ADCY8: variants seen among roughly 807,000 people sequenced by gnomAD.
ADCY8 encodes adenylate cyclase 8.
A neutral mutation model predicts 119.7 loss-of-function variants in ADCY8; 51 were observed. That is an observed-to-expected ratio of 0.43 (90% CI 0.34 to 0.54). ADCY8 has a LOEUF of 0.54. Ranked by LOEUF, ADCY8 falls within the 20% of genes least tolerant of loss-of-function variation. The pLI is 0.03. For synonymous variants in ADCY8, 665 were observed against 651.0 expected, an observed-to-expected ratio of 1.02 and a Z score of -0.33; for missense variants, 1,383 against 1,598.8, an observed-to-expected ratio of 0.87 and a Z score of 2.30.
At chr8:130,983,454 A>G (rs1240206465) in intron 2 of ADCY8, among the ~76,000 whole-genome samples, 2 of 152,206 alleles carry the variant, frequency 1.3e-5, no homozygotes, top group Non-Finnish European at 2.9e-5. Context: ...CTCCAGGGGC[A>G]GAGAGAATGG....
intron 3 of ADCY8, among the ~76,000 whole-genome samples, chr8:130,948,038 G>A (rs1018974307): frequency 6.6e-6 from 1 of 152,150 alleles, no homozygotes. Context: ...AAAAAAGTGG[G>A]TGTGAGTACT....
At chr8:130,925,207 A>G (rs62518124) in intron 5 of ADCY8, among the ~76,000 whole-genome samples, 19,190 of 152,116 alleles carry the variant, frequency 0.13, 1,409 homozygotes, top group Non-Finnish European at 0.17. Flanking sequence ...CTCTGTCTCA[A>G]AAACAAAACA....
At chr8:130,933,972 G>A (rs969932574) in intron 5 of ADCY8, among the ~76,000 whole-genome samples, 14 of 152,228 alleles carry the variant, frequency 9.2e-5, no homozygotes, top group African/African-American at 3.4e-4. Flanking sequence ...TTTTCATTTT[G>A]TAGGCAATAA....
chr8:130,871,252 T>G (rs1563704276), intron 8 of ADCY8, among the ~76,000 whole-genome samples: 2 of 152,230 alleles, frequency 1.3e-5, no homozygotes, highest in Admixed American at 1.3e-4. Flanking sequence ...GCTTATTGCC[T>G]GCCAAAGTTA....
At chr8:130,860,565 G>T (rs1233639543) in intron 9 of ADCY8, among the ~76,000 whole-genome samples, 2 of 152,074 alleles carry the variant, frequency 1.3e-5, no homozygotes, top group Non-Finnish European at 2.9e-5. Context: ...GTTAATTTTT[G>T]TGAAGGTTTA....
At chr8:130,932,707 T>C (rs1820667198) in intron 5 of ADCY8, among the ~76,000 whole-genome samples, 1 of 152,206 alleles carries the variant, frequency 6.6e-6, no homozygotes, top group Admixed American at 6.5e-5. Context: ...GATGTTTCTG[T>C]TAGAGAATAA....
chr8:130,916,702 G>T (rs536610226), intron 5 of ADCY8, among the ~76,000 whole-genome samples: 10 of 152,364 alleles, frequency 6.6e-5, no homozygotes, highest in Non-Finnish European at 1.3e-4. Flanking sequence ...ACAAACAAAA[G>T]CATGAGCGAT....
intron 5 of ADCY8, among the ~76,000 whole-genome samples, chr8:130,934,585 A>C (rs1820730483): frequency 6.6e-6 from 1 of 152,130 alleles, no homozygotes; most frequent in Non-Finnish European, 1.5e-5. Context: ...CCCCCTTTAC[A>C]CCAGTTAAAG....
At chr8:131,027,530 A>G (rs1208244508) in intron 1 of ADCY8, among the ~76,000 whole-genome samples, 2 of 152,186 alleles carry the variant, frequency 1.3e-5, no homozygotes, top group Non-Finnish European at 2.9e-5. Flanking sequence ...GGGCTGCACT[A>G]GAACAGAAAG....
intron 3 of ADCY8, among the ~76,000 whole-genome samples, chr8:130,947,190 C>A (rs1386114263): frequency 5.3e-5 from 8 of 152,284 alleles, no homozygotes; most frequent in African/African-American, 1.9e-4. Context: ...CAAATAGAAT[C>A]CCCAAGGAAG....
chr8:130,878,625 T>G (rs772137088), intron 8 of ADCY8, among the ~76,000 whole-genome samples: 4 of 152,180 alleles, frequency 2.6e-5, no homozygotes, highest in Non-Finnish European at 4.4e-5. Context: ...AATGCAGGTC[T>G]TCTTGCAAAA....
Position 130,780,887 on chromosome 8 carries a change from G to A in ADCY8, c.3269-10C>T. 1 of 1,611,408 alleles carries A rather than the reference G, an allele frequency of 6.2e-7. No individual in the cohort carries two copies. Among genetic ancestry groups the A allele is most frequent in the Non-Finnish European group, 8.5e-7 (1 of 1,177,908 alleles). On this transcript the variant is annotated splice_polypyrimidine_tract_variant and intron_variant, in intron 17 of 17. Coordinates refer to ENST00000286355, the MANE Select transcript of ADCY8 (RefSeq NM_001115.3). ...GAGCCGTGGCTGATGCCTGGGGGGTGAAGCAAAGGAGCAAGAAGTCAGAGG... is the reference window on the plus strand; with the variant it reads ...GAGCCGTGGCTGATGCCTGGGGGGTAAAGCAAAGGAGCAAGAAGTCAGAGG...
intron 15 of ADCY8, among the ~76,000 whole-genome samples, chr8:130,790,062 T>C (rs1190550659): frequency 2.0e-5 from 3 of 152,176 alleles, no homozygotes; most frequent in Non-Finnish European, 4.4e-5. Context: ...GAGGTAGGGA[T>C]ACAAAGTCTT....
chr8:131,026,520 G>A (rs959978566), intron 1 of ADCY8, among the ~76,000 whole-genome samples: 2 of 152,178 alleles, frequency 1.3e-5, no homozygotes, highest in African/African-American at 4.8e-5. Context: ...TGAAGAGAAG[G>A]TGGGGTCTGT....
At chr8:130,896,374 T>G (rs1469090893) in intron 7 of ADCY8, among the ~76,000 whole-genome samples, 2 of 152,218 alleles carry the variant, frequency 1.3e-5, no homozygotes, top group African/African-American at 4.8e-5. Flanking sequence ...GGATTGCCTT[T>G]CTTAAGCTGA....
At chr8:130,876,709 G>C (rs1439822622) in intron 8 of ADCY8, among the ~76,000 whole-genome samples, 1 of 144,486 alleles carries the variant, frequency 6.9e-6, no homozygotes, top group Non-Finnish European at 1.5e-5. Flanking sequence ...ATTTGTGTGT[G>C]TGTAGGGGGG....
chr8:130,957,531 A>C (rs996642515), intron 2 of ADCY8, among the ~76,000 whole-genome samples: 4 of 152,230 alleles, frequency 2.6e-5, no homozygotes, highest in African/African-American at 9.6e-5. Flanking sequence ...GCCTGCAGAA[A>C]TTTGCATAAG....
At chr8:130,865,719 G>T (rs977047925) in intron 9 of ADCY8, among the ~76,000 whole-genome samples, 37 of 152,052 alleles carry the variant, frequency 2.4e-4, no homozygotes, top group African/African-American at 8.5e-4. Context: ...TTGCTTTCAT[G>T]CAGTGTTTCA....
At position 130,800,456 on chromosome 8, in the gene ADCY8, C is replaced by A; in HGVS notation, c.3030G>T (p.Leu1010Phe). The change falls in exon 15 of 18, where the codon TTG becomes TTT. Residue 1010 changes from leucine to phenylalanine, a missense_variant. Transcript: ENST00000286355. ...CGAAGTCAGCAATGATCTCATTGAG[C>A]AAGCGCAGGCATTCCACTCCCTGGT... ...MNNQGVECLR[L>F]LNEIIADFDE... 2 of 1,614,154 alleles carry A rather than the reference C, an allele frequency of 1.2e-6. No homozygotes were observed. Among genetic ancestry groups the A allele is most frequent in the South Asian group, 1.1e-5 (1 of 91,080 alleles).
Sources: allele counts gnomAD v4.1 joint callset (sites outside exome capture counted in the v4.1 genomes callset), GRCh38; gene constraint gnomAD v4.1.1; transcripts MANE v1.5; gene names NCBI Gene and HGNC (gene_info 2026-07-23, HGNC 2026-07-21).